Variants in OPCML observed in about 807,000 individuals in gnomAD.
The protein encoded by OPCML is opioid binding protein/cell adhesion molecule like, also known as opioid-binding protein/cell adhesion molecule.
Under a neutral mutation model 37.8 loss-of-function variants are expected in OPCML, and 13 were observed. The ratio of observed to expected loss-of-function variants is 0.34; its 90% confidence interval spans 0.22 to 0.55. OPCML has a LOEUF of 0.55. Among genes scored for constraint, OPCML ranks in the 20% least tolerant of loss-of-function variants. OPCML has a pLI of 0.91. For missense variants in OPCML, 341 were observed against 435.6 expected (o/e 0.78, Z 1.93); for synonymous variants, 176 against 168.8 (o/e 1.04, Z -0.33).
At chr11:133,256,650 AG>A (rs1941319730) in intron 1 of OPCML, among the ~76,000 whole-genome samples, 2 of 152,160 alleles carry the variant, frequency 1.3e-5, no homozygotes, top group Non-Finnish European at 2.9e-5. Context: ...GTAGACTAAG[AG>A]GTTCTGTGTT....
chr11:133,144,943 G>A (rs1949877033), intron 1 of OPCML, among the ~76,000 whole-genome samples: 1 of 152,198 alleles, frequency 6.6e-6, no homozygotes, highest in African/African-American at 2.4e-5. Flanking sequence ...TCAAGTTTCT[G>A]GAAAGCAGAA....
intron 1 of OPCML, among the ~76,000 whole-genome samples, chr11:133,140,525 T>TAAGAAGAAG (rs1306668854): frequency 9.3e-3 from 529 of 56,958 alleles, no homozygotes; most frequent in East Asian, 0.028. Context: ...ATAATAATAA[T>TAAGAAGAAG]AATAATAAGA....
intron 3 of OPCML, among the ~76,000 whole-genome samples, chr11:132,624,306 G>A (rs970632874): frequency 6.6e-6 from 1 of 152,172 alleles, no homozygotes; most frequent in African/African-American, 2.4e-5. Flanking sequence ...CACCCTTACT[G>A]AAACTGCTCA....
intron 3 of OPCML, among the ~76,000 whole-genome samples, chr11:132,653,859 GT>G (rs1327085878): frequency 6.6e-6 from 1 of 152,276 alleles, no homozygotes; most frequent in East Asian, 1.9e-4. Flanking sequence ...AACACCTTTT[GT>G]TTTTATAAAC....
intron 4 of OPCML, among the ~76,000 whole-genome samples, chr11:132,451,373 G>A (rs1052452381): frequency 2.6e-5 from 4 of 151,710 alleles, no homozygotes; most frequent in Non-Finnish European, 5.9e-5. Context: ...GAAGGGTATA[G>A]GGCTGGGGCG....
At chr11:133,121,271 A>G (rs906976757) in intron 1 of OPCML, among the ~76,000 whole-genome samples, 2 of 152,190 alleles carry the variant, frequency 1.3e-5, no homozygotes, top group Admixed American at 6.5e-5. Context: ...TAGCATTTCA[A>G]TTAATCTATA....
At chr11:133,052,799 G>A (rs559346076) in intron 1 of OPCML, among the ~76,000 whole-genome samples, 4 of 152,322 alleles carry the variant, frequency 2.6e-5, no homozygotes, top group Middle Eastern at 3.4e-3. Flanking sequence ...TCTGCTAGAC[G>A]CCAGCACATG....
chr11:133,419,886 T>A (rs1022001579), intron 1 of OPCML, among the ~76,000 whole-genome samples: 1 of 152,230 alleles, frequency 6.6e-6, no homozygotes, highest in Non-Finnish European at 1.5e-5. Flanking sequence ...TACTCAGTCA[T>A]TGACAACAAA....
At chr11:132,724,359 T>C (rs1160105581) in intron 2 of OPCML, among the ~76,000 whole-genome samples, 1 of 152,196 alleles carries the variant, frequency 6.6e-6, no homozygotes, top group Admixed American at 6.5e-5. Context: ...AGTCTGTTTT[T>C]GCACTGCTGT....
intron 4 of OPCML, among the ~76,000 whole-genome samples, chr11:132,441,165 G>GTATTTTTTTTTTTTTTTTTTTTTTT (rs2096031858): frequency 1.4e-5 from 1 of 72,402 alleles, no homozygotes; most frequent in Non-Finnish European, 2.3e-5. Flanking sequence ...GGACTTTTTT[G>GTATTTTTTTTTTTTTTTTTTTTTTT]TTTTTTTTTT....
intron 2 of OPCML, among the ~76,000 whole-genome samples, chr11:132,886,866 A>G (rs1381958770): frequency 6.6e-6 from 1 of 152,168 alleles, no homozygotes; most frequent in Non-Finnish European, 1.5e-5. Context: ...GACTTCTTGC[A>G]TATACATCCC....
chr11:133,247,847 T>G (rs1940998148), intron 1 of OPCML, among the ~76,000 whole-genome samples: 1 of 152,074 alleles, frequency 6.6e-6, no homozygotes, highest in Admixed American at 6.6e-5. Context: ...TGACTTCAGG[T>G]GATCACCCGC....
At chr11:132,796,972 T>C (rs1457431177) in intron 2 of OPCML, among the ~76,000 whole-genome samples, 1 of 152,228 alleles carries the variant, frequency 6.6e-6, no homozygotes, top group Admixed American at 6.5e-5. Flanking sequence ...TTGATTCTTA[T>C]TGAGATTCAA....
intron 4 of OPCML, among the ~76,000 whole-genome samples, chr11:132,438,588 G>A (rs1285620892): frequency 6.6e-6 from 1 of 151,926 alleles, no homozygotes; most frequent in Admixed American, 6.6e-5. Context: ...GGAAGGTGGG[G>A]ACAGTGTGTA....
chr11:133,044,197 G>A (rs1221974075), intron 1 of OPCML, among the ~76,000 whole-genome samples: 2 of 152,214 alleles, frequency 1.3e-5, no homozygotes, highest in African/African-American at 4.8e-5. Context: ...ACATGTGGGT[G>A]TGGATGGGTG....
intron 1 of OPCML, among the ~76,000 whole-genome samples, chr11:132,997,011 C>G (rs574250484): frequency 6.6e-6 from 1 of 152,284 alleles, no homozygotes; most frequent in South Asian, 2.1e-4. Context: ...AGTTAGGGAG[C>G]CTGGTATCTC....
chr11:133,015,209 T>C (rs1002828138), intron 1 of OPCML, among the ~76,000 whole-genome samples: 5 of 151,954 alleles, frequency 3.3e-5, no homozygotes, highest in African/African-American at 9.7e-5. Context: ...AATTGATCAA[T>C]AGATAAGGGA....
At chr11:133,233,603 A>T (rs751670115) in intron 1 of OPCML, among the ~76,000 whole-genome samples, 1 of 151,784 alleles carries the variant, frequency 6.6e-6, no homozygotes, top group Non-Finnish European at 1.5e-5. Flanking sequence ...CCACTTTACT[A>T]CTCCTTGTTC....
chr11:132,789,920 C>A (rs1195778817), intron 2 of OPCML, among the ~76,000 whole-genome samples: 1 of 152,124 alleles, frequency 6.6e-6, no homozygotes, highest in Non-Finnish European at 1.5e-5. Context: ...TGAACCACAG[C>A]AGCTGTATCC....
Sources: gnomAD v4.1 joint callset for allele counts (sites outside exome capture counted in the v4.1 genomes callset) on GRCh38, gnomAD v4.1.1 for gene constraint, MANE v1.5 for transcripts, NCBI Gene and HGNC (gene_info 2026-07-23, HGNC 2026-07-21) for gene names.